The following STPG4 variants were observed in gnomAD, a reference collection of about 807,000 sequenced individuals.
STPG4 encodes protein STPG4.
In STPG4, 41 loss-of-function variants were observed where a neutral mutation model predicts 31.5. That is an observed-to-expected ratio of 1.30 (90% CI 1.01 to 1.69). The LOEUF is 1.69. Among genes scored for constraint, STPG4 ranks in the 40% most tolerant of loss-of-function variants. The pLI, the probability that STPG4 is intolerant of heterozygous loss-of-function variation, is 0.00. For synonymous variants in STPG4, 141 were observed against 103.0 expected (o/e 1.37, Z -2.24); for missense variants, 375 against 293.4 (o/e 1.28, Z -2.03).
chr2:47,091,774 T>C (rs987471856), intron 5 of STPG4, among the ~76,000 whole-genome samples: 2 of 152,212 alleles, frequency 1.3e-5, no homozygotes, highest in African/African-American at 4.8e-5. Flanking sequence ...ATATATTTAT[T>C]ATTTTGACCC....
intron 3 of STPG4, among the ~76,000 whole-genome samples, chr2:47,142,100 T>C (rs923323473): frequency 6.6e-6 from 1 of 151,844 alleles, no homozygotes; most frequent in Non-Finnish European, 1.5e-5. Flanking sequence ...TTTTCAGAGA[T>C]ATCCTCATCA....
chr2:47,118,169 G>C (rs1686189948), intron 5 of STPG4, among the ~76,000 whole-genome samples: 1 of 152,140 alleles, frequency 6.6e-6, no homozygotes, highest in South Asian at 2.1e-4. Flanking sequence ...GCGAGCAAGG[G>C]AGTGAAGTTT....
At chr2:47,094,518 T>C (rs1685632592) in intron 5 of STPG4, among the ~76,000 whole-genome samples, 1 of 152,226 alleles carries the variant, frequency 6.6e-6, no homozygotes, top group African/African-American at 2.4e-5. Flanking sequence ...TAAGGATTAT[T>C]ACACAGATGA....
intron 5 of STPG4, among the ~76,000 whole-genome samples, chr2:47,100,314 G>C (rs1297778893): frequency 6.6e-6 from 1 of 150,912 alleles, no homozygotes; most frequent in Non-Finnish European, 1.5e-5. Flanking sequence ...CCTGTGTCTA[G>C]CTCAGGGTTT....
intron 6 of STPG4, 99 bp from the exon 7 acceptor site, chr2:47,087,229 C>A: frequency 1.4e-6 from 2 of 1,403,278 alleles, no homozygotes; most frequent in Non-Finnish European, 1.9e-6. Flanking sequence ...GGACAAATTC[C>A]CCAAGGATGA....
At chr2:47,127,627 A>AT (rs374128096) in intron 5 of STPG4, among the ~76,000 whole-genome samples, 158 of 152,256 alleles carry the variant, frequency 1.0e-3, no homozygotes, top group African/African-American at 3.7e-3. Context: ...ACTCTGATGT[A>AT]TTCTTCAGCA....
intron 5 of STPG4, among the ~76,000 whole-genome samples, chr2:47,124,463 G>T (rs889321486): frequency 6.6e-6 from 1 of 151,606 alleles, no homozygotes; most frequent in African/African-American, 2.4e-5. Flanking sequence ...CTCTCTATCT[G>T]CATGAGTTTG....
At chr2:47,113,269 G>A (rs1686077960) in intron 5 of STPG4, among the ~76,000 whole-genome samples, 1 of 152,080 alleles carries the variant, frequency 6.6e-6, no homozygotes, top group Non-Finnish European at 1.5e-5. Context: ...TTAAACTTCT[G>A]TATAAATAAA....
intron 6 of STPG4, among the ~76,000 whole-genome samples, chr2:47,089,218 G>A (rs1340067994): frequency 2.6e-5 from 4 of 152,356 alleles, no homozygotes; most frequent in Non-Finnish European, 5.9e-5. Flanking sequence ...CGACAAACAT[G>A]TTTCTGGATC....
chr2:47,112,256 T>C (rs1348726228), intron 5 of STPG4, among the ~76,000 whole-genome samples: 1 of 152,196 alleles, frequency 6.6e-6, no homozygotes. Context: ...AAACTCTGCC[T>C]CTCAGGTTCA....
chr2:47,136,302 T>C (rs7588019), intron 3 of STPG4, among the ~76,000 whole-genome samples: 127,078 of 152,024 alleles, frequency 0.84, 54,422 homozygotes, highest in South Asian at 0.95. Context: ...CCTGCCACCA[T>C]GCCCAGCTAA....
intron 1 of STPG4, 54 bp from the exon 2 acceptor site, chr2:47,153,070 TA>T: frequency 3.1e-6 from 4 of 1,299,216 alleles, no homozygotes; most frequent in Non-Finnish European, 4.4e-6. Flanking sequence ...CCCTTGAAAT[TA>T]AATATAATTT....
chr2:47,153,972 T>G (rs1686982925), intron 1 of STPG4, among the ~76,000 whole-genome samples: 1 of 152,238 alleles, frequency 6.6e-6, no homozygotes, highest in Admixed American at 6.5e-5. Context: ...TTATTTCATA[T>G]TTATTTCAGC....
At chr2:47,151,899 C>T (rs1686944471) in intron 2 of STPG4, among the ~76,000 whole-genome samples, 1 of 140,672 alleles carries the variant, frequency 7.1e-6, no homozygotes. Flanking sequence ...AGCCACTACG[C>T]CCGGCTAGTT....
At chr2:47,128,556 CAGAA>C (rs1686408757) in intron 5 of STPG4, among the ~76,000 whole-genome samples, 1 of 152,048 alleles carries the variant, frequency 6.6e-6, no homozygotes, top group Non-Finnish European at 1.5e-5. Context: ...TCTCCTCAAG[CAGAA>C]AGAATCTCTC....
chr2:47,111,842 A>G (rs79389877), intron 5 of STPG4, among the ~76,000 whole-genome samples: 4,001 of 152,326 alleles, frequency 0.026, 184 homozygotes, highest in African/African-American at 0.091. Flanking sequence ...CAATAAGTAT[A>G]CAACTTTACA....
At chr2:47,089,054 G>T (rs1340496386) in intron 6 of STPG4, among the ~76,000 whole-genome samples, 2 of 152,150 alleles carry the variant, frequency 1.3e-5, no homozygotes, top group Admixed American at 1.3e-4. Context: ...CAGCTTCCAT[G>T]AAAATTTTCT....
At chr2:47,134,400 T>C (rs573901567) in intron 3 of STPG4, among the ~76,000 whole-genome samples, 1 of 152,232 alleles carries the variant, frequency 6.6e-6, no homozygotes, top group Non-Finnish European at 1.5e-5. Context: ...CTGATCTTTT[T>C]ATAGTCTCCA....
At chr2:47,130,621 T>G (rs1402673632) in intron 3 of STPG4, among the ~76,000 whole-genome samples, 1 of 152,110 alleles carries the variant, frequency 6.6e-6, no homozygotes, top group Non-Finnish European at 1.5e-5. Context: ...GTTCAAGCAA[T>G]TCTCTGCCTC....
Sources: allele counts gnomAD v4.1 joint callset (sites outside exome capture counted in the v4.1 genomes callset), GRCh38; gene constraint gnomAD v4.1.1; transcripts MANE v1.5; gene names NCBI Gene and HGNC (gene_info 2026-07-23, HGNC 2026-07-21).